Variants in MTUS2 observed in about 807,000 individuals in gnomAD.
MTUS2 encodes microtubule-associated tumor suppressor candidate 2.
A neutral mutation model predicts 114.1 loss-of-function variants in MTUS2; 40 were observed. The observed-to-expected ratio is 0.35, with a 90% CI of 0.27 to 0.46. The LOEUF (loss-of-function observed/expected upper bound fraction) is 0.46. Ranked by LOEUF, MTUS2 falls within the 20% of genes least tolerant of loss-of-function variation. The pLI is 1.00. For missense variants in MTUS2, 1,679 were observed against 1,705.4 expected, an observed-to-expected ratio of 0.98 and a Z score of 0.27; for synonymous variants, 688 against 672.0, an observed-to-expected ratio of 1.02 and a Z score of -0.37.
chr13:29,467,281 T>C (rs1195019732), intron 9 of MTUS2, among the ~76,000 whole-genome samples: 1 of 152,252 alleles, frequency 6.6e-6, no homozygotes, highest in Admixed American at 6.5e-5. Context: ...AAAAGGGATG[T>C]TCAACATGGA....
rs752206942 is a variant in MTUS2 at position 29,025,343 on chromosome 13, G to T, written c.645G>T (p.Gly215=). The T allele has an allele frequency of 6.2e-7, 1 of 1,613,814 alleles. No individual in the cohort carries two copies. The highest frequency in any genetic ancestry group is 8.5e-7 in the Non-Finnish European group (1 of 1,179,878). The part of the protein sequence containing the change: ...ARGQIPGGGE[G]PQKTLPDHAV... The stretch of plus-strand genomic sequence containing the variant: ...GTCAGATACCTGGGGGTGGGGAGGG[G>T]CCACAGAAGACATTGCCAGACCACG... Residue 215 remains glycine (G), a synonymous_variant, in exon 3 of 16, where the codon GGG becomes GGT. Transcript: ENST00000612955.
chr13:29,115,743 G>A (rs765250368), intron 5 of MTUS2, among the ~76,000 whole-genome samples: 2 of 152,186 alleles, frequency 1.3e-5, no homozygotes, highest in African/African-American at 2.4e-5. Context: ...GGACCACTGG[G>A]CCCTCTTAAA....
intron 6 of MTUS2, among the ~76,000 whole-genome samples, chr13:29,285,759 TG>T (rs1411083489): frequency 1.3e-4 from 20 of 152,282 alleles, no homozygotes; most frequent in Admixed American, 5.9e-4. Flanking sequence ...CATGGGAACC[TG>T]TAGATTACAA....
intron 2 of MTUS2, among the ~76,000 whole-genome samples, chr13:28,961,719 A>G (rs1441553466): frequency 6.6e-6 from 1 of 152,130 alleles, no homozygotes. Flanking sequence ...CAAAACTGGG[A>G]TCATCTAAGA....
At chr13:29,244,497 A>G (rs907110270) in intron 5 of MTUS2, among the ~76,000 whole-genome samples, 7 of 152,090 alleles carry the variant, frequency 4.6e-5, no homozygotes, top group Admixed American at 3.9e-4. Context: ...TGGAGACTGA[A>G]TGGGCCACTG....
chr13:28,823,217 C>T lies in MTUS2; in HGVS notation c.-316+2606C>T, dbSNP rs145579852. Among the ~76,000 whole-genome samples, 55 of 152,332 alleles carry T rather than the reference C, an allele frequency of 3.6e-4. No homozygotes were observed. In the East Asian group the frequency reaches 5.8e-3, roughly 16 times the overall value. ...GTAAGCTCAGGATTGGTCTCTAATA[C>T]GAATTTTCAACAGTAAGCAAACAAA... is the stretch of plus-strand genomic sequence containing the variant. On this transcript the variant is annotated intron_variant, in intron 1 of 15. Transcript: ENST00000612955.
intron 8 of MTUS2, among the ~76,000 whole-genome samples, chr13:29,370,107 T>C (rs1871078903): frequency 6.6e-6 from 1 of 152,164 alleles, no homozygotes; most frequent in South Asian, 2.1e-4. Flanking sequence ...CCCAGCACTT[T>C]GGGAGGCTGA....
intron 2 of MTUS2, among the ~76,000 whole-genome samples, chr13:28,986,035 C>G: frequency 6.6e-6 from 1 of 152,086 alleles, no homozygotes; most frequent in East Asian, 1.9e-4. Context: ...CTCTCTTGAC[C>G]TTACTTGGTT....
intron 5 of MTUS2, among the ~76,000 whole-genome samples, chr13:29,197,513 G>A (rs1894752665): frequency 6.6e-6 from 1 of 152,182 alleles, no homozygotes; most frequent in African/African-American, 2.4e-5. Flanking sequence ...ATTGTGAATA[G>A]TGCAGCAATA....
At chr13:29,160,967 A>G (rs1015558385) in intron 5 of MTUS2, among the ~76,000 whole-genome samples, 1 of 152,172 alleles carries the variant, frequency 6.6e-6, no homozygotes, top group Non-Finnish European at 1.5e-5. Flanking sequence ...TGACAAAATT[A>G]TAGAAACGGA....
intron 5 of MTUS2, among the ~76,000 whole-genome samples, chr13:29,168,229 G>A (rs755335550): frequency 6.6e-6 from 1 of 152,156 alleles, no homozygotes; most frequent in Non-Finnish European, 1.5e-5. Flanking sequence ...TTTTCAACAC[G>A]TTAGCCCTTG....
At chr13:29,446,836 A>T (rs1486208426) in intron 9 of MTUS2, among the ~76,000 whole-genome samples, 1 of 152,150 alleles carries the variant, frequency 6.6e-6, no homozygotes, top group Admixed American at 6.5e-5. Context: ...AAATGAGAAG[A>T]GACACATAAT....
chr13:29,203,245 G>A (rs1895036834), intron 5 of MTUS2, among the ~76,000 whole-genome samples: 1 of 152,236 alleles, frequency 6.6e-6, no homozygotes, highest in South Asian at 2.1e-4. Context: ...GTCTGGCTAT[G>A]GCGGCTTTGT....
intron 2 of MTUS2, among the ~76,000 whole-genome samples, chr13:28,945,256 G>C (rs944518291): frequency 6.6e-6 from 1 of 150,902 alleles, no homozygotes; most frequent in African/African-American, 2.4e-5. Flanking sequence ...CCATATCTTT[G>C]CTATTGTGAA....
chr13:29,390,928 G>A (rs867854437), intron 8 of MTUS2, among the ~76,000 whole-genome samples: 3 of 151,406 alleles, frequency 2.0e-5, no homozygotes, highest in Admixed American at 6.6e-5. Context: ...GACTACAGGC[G>A]CACACCACTA....
At chr13:29,032,546 G>A (rs1434679824) in intron 3 of MTUS2, among the ~76,000 whole-genome samples, 2 of 152,200 alleles carry the variant, frequency 1.3e-5, no homozygotes, top group Non-Finnish European at 2.9e-5. Flanking sequence ...TTATCAGAGT[G>A]CAGATGTAGA....
At chr13:29,121,657 CTTT>C (rs547034297) in intron 5 of MTUS2, among the ~76,000 whole-genome samples, 6 of 142,260 alleles carry the variant, frequency 4.2e-5, no homozygotes, top group Admixed American at 2.1e-4. Context: ...CACTTTTTCA[CTTT>C]TTTTTTTTTT....
chr13:29,200,046 A>AT (rs1184829888), intron 5 of MTUS2, among the ~76,000 whole-genome samples: 9 of 151,794 alleles, frequency 5.9e-5, no homozygotes, highest in African/African-American at 2.2e-4. Context: ...CTGCTTTATC[A>AT]TTTTTTATCG....
chr13:28,937,908 C>T (rs1881998188), intron 2 of MTUS2, among the ~76,000 whole-genome samples: 2 of 152,066 alleles, frequency 1.3e-5, no homozygotes, highest in African/African-American at 4.8e-5. Flanking sequence ...GCTTTGGTAC[C>T]CTCACTCCTT....
Sources: gnomAD v4.1 joint callset for allele counts (sites outside exome capture counted in the v4.1 genomes callset) on GRCh38, gnomAD v4.1.1 for gene constraint, MANE v1.5 for transcripts, NCBI Gene and HGNC (gene_info 2026-07-23, HGNC 2026-07-21) for gene names.